The following TCF12 variants were observed in gnomAD, a reference collection of about 807,000 sequenced individuals.
TCF12 encodes transcription factor 12.
A neutral mutation model predicts 86.0 loss-of-function variants in TCF12; 45 were observed. The ratio of observed to expected loss-of-function variants is 0.52; its 90% confidence interval spans 0.41 to 0.67. The LOEUF is 0.67. Among genes scored for constraint, TCF12 ranks in the 30% least tolerant of loss-of-function variants. The pLI, the probability that TCF12 is intolerant of heterozygous loss-of-function variation, is 0.00. For synonymous variants in TCF12, 330 were observed against 299.6 expected (o/e 1.10, Z -1.05); for missense variants, 881 against 859.9 (o/e 1.02, Z -0.31).
chr15:57,130,033 A>G (rs558735222), intron 5 of TCF12: 1 of 152,338 alleles, frequency 6.6e-6, no homozygotes, highest in African/African-American at 2.4e-5. Flanking sequence ...TAAAAGCAAA[A>G]ATAGCTGATT....
At position 57,166,427 on chromosome 15, in the gene TCF12, T is replaced by G; in HGVS notation, c.351T>G (p.Phe117Leu). 1 of 1,612,690 alleles carries G rather than the reference T, an allele frequency of 6.2e-7. No individual in the cohort carries two copies. The highest frequency in any genetic ancestry group is 8.5e-7 in the Non-Finnish European group (1 of 1,179,524). The change falls in exon 6 of 21, where the codon TTT becomes TTG. Residue 117 changes from phenylalanine to leucine, a missense_variant. This residue lies in a region of TCF12 where 766 missense variants were observed against 718.9 expected (regional missense o/e 1.07). Coordinates refer to ENST00000333725, the MANE Select transcript of TCF12 (RefSeq NM_207037.2). ...GAAAAACATCAGAGAGAGGCTCATT[T>G]TCCCTGTACAGCAGAGATACTGGAT... Reference protein sequence around the residue: ...LMGKTSERGSFSLYSRDTGLP... With the variant: ...LMGKTSERGSLSLYSRDTGLP...
rs5812874 is a variant in TCF12, at chr15:57,230,954, T to TAA, written c.580-187_580-186dup. Among the ~76,000 whole-genome samples the TAA allele has an allele frequency of 0.05, 7,325 of 147,346 alleles. 476 individuals are homozygous for TAA. Among genetic ancestry groups the TAA allele is most frequent in the African/African-American group, 0.15 (6,197 of 40,130 alleles). ...TAGTAGTTTTCCCTAATAACCAGCT[T>TAA]AAAAAAAAAAAACATGTGGATGGTA... On this transcript the variant is annotated intron_variant, in intron 8 of 20. Coordinates refer to ENST00000333725, the MANE Select transcript of TCF12 (RefSeq NM_207037.2).
At chr15:57,053,777 A>G (rs2067799301) in intron 3 of TCF12, among the ~76,000 whole-genome samples, 1 of 152,176 alleles carries the variant, frequency 6.6e-6, no homozygotes, top group African/African-American at 2.4e-5. Context: ...TTGGCCCTTT[A>G]TTGCAAAAGT....
intron 8 of TCF12, chr15:57,219,482 G>T: frequency 6.2e-7 from 1 of 1,600,594 alleles, no homozygotes; most frequent in Non-Finnish European, 8.5e-7. Flanking sequence ...GAGAGAGGCT[G>T]TGTGCATTAG....
Position 57,177,710 on chromosome 15 carries a change from C to CTTAT in TCF12, c.390+11267_390+11270dup, listed in dbSNP as rs375477447. ...CTTTCTTTTATTTTTATTTTATTTA[C>CTTAT]TTATTTATTTATTTATTTATTTATT... On this transcript the variant is annotated intron_variant, in intron 6 of 20. Coordinates refer to ENST00000333725, the MANE Select transcript of TCF12 (RefSeq NM_207037.2). Among the ~76,000 whole-genome samples, 430 of 142,986 alleles carry CTTAT rather than the reference C, an allele frequency of 3.0e-3. 1 individual carries two copies. Among genetic ancestry groups the CTTAT allele is most frequent in the Middle Eastern group, 7.8e-3 (2 of 258 alleles). The allele number at this position is 142,986 out of a possible 152,430, so 93.8% of individuals were successfully genotyped here.
At chr15:56,996,949 C>A (rs181899320) in intron 3 of TCF12, among the ~76,000 whole-genome samples, 12 of 152,264 alleles carry the variant, frequency 7.9e-5, no homozygotes, top group Admixed American at 2.0e-4. Flanking sequence ...GTCAGAATGG[C>A]TTTGTTAAAA....
intron 8 of TCF12, chr15:57,219,662 A>G: frequency 1.4e-6 from 2 of 1,434,358 alleles, no homozygotes; most frequent in Non-Finnish European, 9.7e-7. Flanking sequence ...CTCGCTTTTT[A>G]CTAAAATCTG....
At chr15:57,242,110 A>G (rs1320374381) in intron 12 of TCF12, among the ~76,000 whole-genome samples, 1 of 152,218 alleles carries the variant, frequency 6.6e-6, no homozygotes, top group East Asian at 1.9e-4. Context: ...TTTCTTTAAA[A>G]ACAATGTTGA....
intron 5 of TCF12, among the ~76,000 whole-genome samples, chr15:57,112,970 A>T (rs1349068853): frequency 6.6e-6 from 1 of 152,228 alleles, no homozygotes; most frequent in Non-Finnish European, 1.5e-5. Context: ...TTAAGTTTCA[A>T]TTAAGAATTC....
chr15:57,164,923 C>T (rs1272485062), intron 5 of TCF12, among the ~76,000 whole-genome samples: 6 of 152,176 alleles, frequency 3.9e-5, no homozygotes, highest in East Asian at 1.9e-4. Context: ...TCAGGTTATC[C>T]GCCCGCCTCG....
At chr15:57,127,570 G>A (rs1979350) in intron 5 of TCF12, among the ~76,000 whole-genome samples, 3,459 of 152,262 alleles carry the variant, frequency 0.023, 57 homozygotes, top group Non-Finnish European at 0.034. Context: ...TTTAAACAAA[G>A]TGAGTCCTGT....
intron 3 of TCF12, among the ~76,000 whole-genome samples, chr15:57,058,407 G>T (rs1166350292): frequency 2.0e-5 from 3 of 152,108 alleles, no homozygotes; most frequent in African/African-American, 7.2e-5. Flanking sequence ...AATGAAATTT[G>T]CCATGTGTTC....
At chr15:57,135,537 A>G (rs1265086959) in intron 5 of TCF12, among the ~76,000 whole-genome samples, 1 of 152,212 alleles carries the variant, frequency 6.6e-6, no homozygotes, top group Non-Finnish European at 1.5e-5. Context: ...TTGTAGACAT[A>G]AATGATCAAG....
intron 5 of TCF12, among the ~76,000 whole-genome samples, chr15:57,162,557 C>A (rs1363651107): frequency 1.3e-5 from 2 of 152,088 alleles, no homozygotes; most frequent in Non-Finnish European, 2.9e-5. Context: ...TGAAAATAAG[C>A]TATCAACTTT....
At chr15:57,145,139 A>AG (rs2053267333) in intron 5 of TCF12, among the ~76,000 whole-genome samples, 1 of 152,246 alleles carries the variant, frequency 6.6e-6, no homozygotes, top group South Asian at 2.1e-4. Flanking sequence ...CCATATGCCC[A>AG]GGGCTACTGT....
intron 5 of TCF12, among the ~76,000 whole-genome samples, chr15:57,165,294 A>G (rs867255326): frequency 1.2e-4 from 18 of 152,178 alleles, no homozygotes; most frequent in South Asian, 4.1e-4. Flanking sequence ...AGCAGTAAAG[A>G]TGCTCAAACT....
At chr15:57,028,590 T>G (rs952212733) in intron 3 of TCF12, among the ~76,000 whole-genome samples, 1 of 152,202 alleles carries the variant, frequency 6.6e-6, no homozygotes, top group Non-Finnish European at 1.5e-5. Context: ...ATATAAAATC[T>G]TTTGTCAGTT....
intron 12 of TCF12, among the ~76,000 whole-genome samples, chr15:57,243,213 T>TG (rs2059710064): frequency 6.6e-6 from 1 of 152,200 alleles, no homozygotes; most frequent in Non-Finnish European, 1.5e-5. Context: ...TAACAGAAAC[T>TG]TTAAGTTATT....
intron 3 of TCF12, among the ~76,000 whole-genome samples, chr15:56,936,829 C>T (rs2060490038): frequency 1.3e-5 from 2 of 152,118 alleles, no homozygotes; most frequent in African/African-American, 4.8e-5. Flanking sequence ...TTCCATTGGT[C>T]TGTGTGCTTA....
Sources: gnomAD v4.1 joint callset for allele counts (sites outside exome capture counted in the v4.1 genomes callset) on GRCh38, gnomAD v4.1.1 for gene constraint, gnomAD v4.1.1 regional missense constraint, MANE v1.5 for transcripts, NCBI Gene and HGNC (gene_info 2026-07-23, HGNC 2026-07-21) for gene names.